The following PRKCZ variants were observed in gnomAD, a reference collection of about 807,000 sequenced individuals.
The protein encoded by PRKCZ is protein kinase C zeta type.
A neutral mutation model predicts 79.5 loss-of-function variants in PRKCZ; 33 were observed. The observed-to-expected ratio is 0.41, with a 90% CI of 0.31 to 0.55. The LOEUF is 0.55. Ranked by LOEUF, PRKCZ falls within the 20% of genes least tolerant of loss-of-function variation. The pLI is 0.19. For missense variants in PRKCZ, 578 were observed against 813.5 expected (o/e 0.71, Z 3.52); for synonymous variants, 342 against 320.9 (o/e 1.07, Z -0.70).
At position 2,059,595 on chromosome 1, in the gene PRKCZ, A is replaced by T; in HGVS notation, c.334+4A>T. 1 of 1,614,094 alleles carries T rather than the reference A, an allele frequency of 6.2e-7. No homozygotes were observed. ...CTGCCATGTCCGGGAGAAGACAGTG[A>T]GTACTGGGGTTTCCTACGCCGGTCT... On this transcript the variant is annotated splice_donor_region_variant and intron_variant, in intron 4 of 17. Transcript: ENST00000378567.
intron 4 of PRKCZ, among the ~76,000 whole-genome samples, chr1:2,103,488 AG>A (rs1477669843): frequency 2.6e-5 from 4 of 152,108 alleles, no homozygotes; most frequent in Non-Finnish European, 4.4e-5. Flanking sequence ...GGTGCTCCGC[AG>A]GGAAAGCTGC....
Position 2,174,650 on chromosome 1 carries a change from C to T in PRKCZ, c.1406-104C>T. The T allele has an allele frequency of 7.8e-7, 1 of 1,280,686 alleles. No homozygotes were observed. Among genetic ancestry groups the T allele is most frequent in the South Asian group, 1.3e-5 (1 of 77,628 alleles). The allele number at this position is 1,280,686 out of a possible 1,614,324, so 79.3% of individuals were successfully genotyped here. A position where few individuals can be genotyped will look rare whatever the true frequency, so the allele number is the denominator to read the frequency against. On this transcript the variant is annotated intron_variant, in intron 14 of 17. Transcript: ENST00000378567. This position sits in a 1 kb window ranked among gnomAD's most constrained non-coding sequence, Gnocchi z 6.2. ...GTAGGAAGGGAGGGGCTCCGGGGCCCCAAGGCTGAGCTCCCAAAGCTCTTG... is the reference window on the plus strand; with the variant it reads ...GTAGGAAGGGAGGGGCTCCGGGGCCTCAAGGCTGAGCTCCCAAAGCTCTTG...
At chr1:2,052,641 C>G (rs1238009306) in intron 1 of PRKCZ, among the ~76,000 whole-genome samples, 5 of 151,998 alleles carry the variant, frequency 3.3e-5, no homozygotes, top group Non-Finnish European at 7.4e-5. Flanking sequence ...TCTCCCCGTT[C>G]TGGCTCCTCG....
chr1:2,061,774 C>T (rs1244358362), intron 4 of PRKCZ, among the ~76,000 whole-genome samples: 1 of 152,178 alleles, frequency 6.6e-6, no homozygotes, highest in Non-Finnish European at 1.5e-5. Flanking sequence ...CACTCGGGGT[C>T]CCAGGCCACC....
Position 2,107,234 on chromosome 1 carries a change from G to A in PRKCZ, c.335-28028G>A, listed in dbSNP as rs554912569. ...CTGCACCAACAGCCGGCTGCCTTCC[G>A]TGGCTGTGTGGGCTCCTGTGCGGAG... On this transcript the variant is annotated intron_variant, in intron 4 of 17. Coordinates refer to ENST00000378567, the MANE Select transcript of PRKCZ (RefSeq NM_002744.6). Among the ~76,000 whole-genome samples the A allele has an allele frequency of 1.2e-4, 18 of 152,360 alleles. No individual in the cohort carries two copies. The South Asian group carries it at 2.7e-3, about 23-fold the overall frequency.
At chr1:2,100,293 C>G (rs1342617375) in intron 4 of PRKCZ, among the ~76,000 whole-genome samples, 2 of 152,270 alleles carry the variant, frequency 1.3e-5, no homozygotes, top group Non-Finnish European at 2.9e-5. Context: ...TCTGTGGTAA[C>G]CGAGAATTCC....
intron 4 of PRKCZ, among the ~76,000 whole-genome samples, chr1:2,071,690 G>A (rs1661602142): frequency 6.6e-6 from 1 of 152,240 alleles, no homozygotes; most frequent in South Asian, 2.1e-4. Flanking sequence ...AGAGGAGTTG[G>A]CTGAAGGACA....
intron 4 of PRKCZ, among the ~76,000 whole-genome samples, chr1:2,091,235 C>T (rs905447171): frequency 3.3e-5 from 5 of 152,168 alleles, no homozygotes; most frequent in Non-Finnish European, 7.3e-5. Context: ...TGGGGTTTTA[C>T]CACGTTGGCC....
At chr1:2,058,908 A>G (rs1660425552) in intron 3 of PRKCZ, among the ~76,000 whole-genome samples, 1 of 152,158 alleles carries the variant, frequency 6.6e-6, no homozygotes, top group South Asian at 2.1e-4. Context: ...AAAACCAACA[A>G]AAAACAAAAA....
chr1:2,098,742 C>T (rs771117796), intron 4 of PRKCZ, among the ~76,000 whole-genome samples: 6 of 152,050 alleles, frequency 3.9e-5, no homozygotes, highest in South Asian at 2.1e-4. Flanking sequence ...AGTGCAGTGG[C>T]GTGATCTCGG....
chr1:2,181,655 C>T (rs1686637301), intron 16 of PRKCZ: 1 of 335,964 alleles, frequency 3.0e-6, no homozygotes, highest in Admixed American at 4.2e-5. Flanking sequence ...CTGAGGCAAT[C>T]TTGAGCCCTC....
At position 2,095,820 on chromosome 1, in the gene PRKCZ, G is replaced by A. The variant is rs183835347; in HGVS notation, c.334+36229G>A. 2.8e-3 allele frequency among the ~76,000 whole-genome samples: 229 copies of A among 81,902 alleles called. 2 individuals carry two copies. In the East Asian group the frequency reaches 0.064, roughly 23 times the overall value. The allele number at this position is 81,902 out of a possible 152,430, so 53.7% of individuals were successfully genotyped here. The stretch of plus-strand genomic sequence containing the variant: ...CTCCCCTCTCCTCCCTTCCCCTCCT[G>A]TCCCTTCCCCTCCCTTCTCCTCTTT... On this transcript the variant is annotated intron_variant, in intron 4 of 17. Coordinates refer to ENST00000378567, the MANE Select transcript of PRKCZ (RefSeq NM_002744.6).
intron 10 of PRKCZ, among the ~76,000 whole-genome samples, chr1:2,160,117 C>T (rs1681916895): frequency 6.6e-6 from 1 of 152,210 alleles, no homozygotes; most frequent in Non-Finnish European, 1.5e-5. Context: ...AAAGAACAAA[C>T]ACACACCTTT....
chr1:2,153,801 C>G (rs750311125), intron 9 of PRKCZ, among the ~76,000 whole-genome samples: 3 of 152,224 alleles, frequency 2.0e-5, no homozygotes, highest in Non-Finnish European at 4.4e-5. Context: ...GCCGGGATGC[C>G]GAGGTGGGGA....
At chr1:2,068,196 G>A (rs564504334) in intron 4 of PRKCZ, among the ~76,000 whole-genome samples, 20 of 152,360 alleles carry the variant, frequency 1.3e-4, no homozygotes, top group African/African-American at 4.3e-4. Flanking sequence ...CCCTGGTAAC[G>A]GGAGAGCATC....
rs1233859473 is a variant in PRKCZ, at chr1:2,127,432, G to C, written c.335-7830G>C. Among the ~76,000 whole-genome samples, 2 of 139,966 alleles carry C rather than the reference G, an allele frequency of 1.4e-5. No individual in the cohort carries two copies. Among genetic ancestry groups the C allele is most frequent in the East Asian group, 4.9e-4 (2 of 4,120 alleles). 91.8% of individuals were successfully genotyped at this position (139,966 alleles called of 152,430 possible). On this transcript the variant is annotated intron_variant, in intron 4 of 17. Transcript: ENST00000378567. This position sits in a 1 kb window ranked among gnomAD's most constrained non-coding sequence, Gnocchi z 5.1. ...CCGCCCCTGCCCCACGGCCACCCCA[G>C]ATCCTCAGACGCCCCTCCCTGTGCC...
intron 7 of PRKCZ, among the ~76,000 whole-genome samples, chr1:2,148,243 A>G (rs262675): frequency 0.24 from 35,234 of 147,772 alleles, 4,544 homozygotes; most frequent in Admixed American, 0.33. Context: ...CTATCCATCT[A>G]TCTGTTGTCC....
At position 2,082,140 on chromosome 1, in the gene PRKCZ, G is replaced by A. The variant is rs955747482; in HGVS notation, c.334+22549G>A. On this transcript the variant is annotated intron_variant, in intron 4 of 17. Transcript: ENST00000378567. This position sits in a 1 kb window ranked among gnomAD's most constrained non-coding sequence, Gnocchi z 4.4. ...TCCACACGGCCATCCGAGGGCGGAC[G>A]TGGTCAGGGGTGCTGGACGCGTCAG... The A allele has an allele frequency of 1.5e-5, 5 of 323,064 alleles. No individual in the cohort carries two copies. Among genetic ancestry groups the A allele is most frequent in the East Asian group, 8.8e-5 (1 of 11,362 alleles). 20.0% of individuals were successfully genotyped at this position (323,064 alleles called of 1,614,324 possible).
intron 4 of PRKCZ, among the ~76,000 whole-genome samples, chr1:2,102,296 G>A (rs1667568535): frequency 6.7e-6 from 1 of 149,308 alleles, no homozygotes; most frequent in Non-Finnish European, 1.5e-5. Context: ...GTGAAGCCTA[G>A]TACACGTTTT....
Sources: gnomAD v4.1 joint callset for allele counts (sites outside exome capture counted in the v4.1 genomes callset) on GRCh38, gnomAD v4.1.1 for gene constraint, Gnocchi (gnomAD v3.1) non-coding constraint, MANE v1.5 for transcripts, NCBI Gene and HGNC (gene_info 2026-07-23, HGNC 2026-07-21) for gene names.